TMEM182: variants seen among roughly 807,000 people sequenced by gnomAD.
TMEM182 encodes the protein transmembrane protein 182.
A neutral mutation model predicts 26.8 loss-of-function variants in TMEM182; 20 were observed. That is an observed-to-expected ratio of 0.75 (90% CI 0.53 to 1.09). TMEM182 has a LOEUF of 1.09. TMEM182 is among the 50% of genes least tolerant of loss of function. TMEM182 has a pLI of 0.00. For missense variants in TMEM182, 277 were observed against 275.5 expected (o/e 1.01, Z -0.04); for synonymous variants, 109 against 102.2 (o/e 1.07, Z -0.40).
chr2:102,840,844 A>G (rs1366297496), intron 3 of TMEM182, among the ~76,000 whole-genome samples: 1 of 152,164 alleles, frequency 6.6e-6, no homozygotes, highest in Non-Finnish European at 1.5e-5. Context: ...TTCAATTCAC[A>G]TTATATTTAA....
chr2:102,773,714 G>T (rs981961325), intron 3 of TMEM182, among the ~76,000 whole-genome samples: 2 of 152,086 alleles, frequency 1.3e-5, no homozygotes, highest in African/African-American at 4.8e-5. Context: ...CCAGCTTGTT[G>T]TATCATTAGC....
At chr2:102,776,308 C>T (rs1185806263) in intron 3 of TMEM182, among the ~76,000 whole-genome samples, 1 of 152,146 alleles carries the variant, frequency 6.6e-6, no homozygotes, top group Non-Finnish European at 1.5e-5. Context: ...TAAAAATCCT[C>T]GGTGTACTGT....
chr2:102,800,862 A>T (rs983328406), intron 4 of TMEM182, among the ~76,000 whole-genome samples: 280 of 148,942 alleles, frequency 1.9e-3, no homozygotes, highest in Non-Finnish European at 3.3e-3. Flanking sequence ...TTGAAAAAAA[A>T]TTGTTGGTCT....
chr2:102,758,289 C>T, upstream of TMEM182: 2 of 545,210 alleles, frequency 3.7e-6, no homozygotes, highest in Non-Finnish European at 3.3e-6. Context: ...TTGTGAAGAA[C>T]ACCACAGCTG....
intron 3 of TMEM182, among the ~76,000 whole-genome samples, chr2:102,826,145 A>T (rs997302426): frequency 6.6e-6 from 1 of 152,012 alleles, no homozygotes; most frequent in African/African-American, 2.4e-5. Flanking sequence ...GCCATGACTC[A>T]CAACATTTAT....
chr2:102,766,290 T>C (rs1680430935), intron 3 of TMEM182, among the ~76,000 whole-genome samples: 1 of 152,182 alleles, frequency 6.6e-6, no homozygotes, highest in Non-Finnish European at 1.5e-5. Flanking sequence ...TCAGAAAAAT[T>C]ATACTGCAGT....
chr2:102,749,775 A>G (rs1679821494), intron 1 of TMEM182, among the ~76,000 whole-genome samples: 2 of 152,158 alleles, frequency 1.3e-5, no homozygotes, highest in African/African-American at 4.8e-5. Flanking sequence ...GTATGACAAT[A>G]TAAAGTTTCA....
chr2:102,801,978 C>T (rs527964336), intron 4 of TMEM182, among the ~76,000 whole-genome samples: 10 of 152,252 alleles, frequency 6.6e-5, no homozygotes, highest in South Asian at 2.1e-4. Flanking sequence ...TACCCTGTTG[C>T]GTGGGATGGA....
At chr2:102,764,215 C>T in intron 2 of TMEM182, 114 bp from the exon 3 acceptor site, 1 of 1,001,006 alleles carries the variant, frequency 1.0e-6, no homozygotes, top group South Asian at 1.5e-5. Context: ...CTGATGGAAC[C>T]AGTAGTTTTG....
Position 102,843,433 on chromosome 2 carries a change from ACT to A in TMEM182, c.349_350del (p.Ser117LysfsTer13), listed in dbSNP as rs2104785571. 1 of 152,202 alleles carries A rather than the reference ACT, an allele frequency of 6.6e-6. No individual in the cohort carries two copies. The highest frequency in any genetic ancestry group is 1.5e-5 in the Non-Finnish European group (1 of 68,026). 9.4% of individuals were successfully genotyped at this position (152,202 alleles called of 1,614,324 possible). On this transcript the variant is annotated frameshift_variant, in exon 4 of 4. Transcript: ENST00000486293. LOFTEE classifies it low-confidence loss of function (END_TRUNC). ...CTAGATGGAATTTCTTCTCTCTGTT[ACT>A]CAAGCCTCTCAAAGTCCTTATTGTC...
chr2:102,791,591 A>T (rs569949383), intron 3 of TMEM182, among the ~76,000 whole-genome samples: 55 of 152,356 alleles, frequency 3.6e-4, no homozygotes, highest in African/African-American at 1.3e-3. Flanking sequence ...CTGAAAAATC[A>T]ACAGAACTTA....
intron 3 of TMEM182, among the ~76,000 whole-genome samples, chr2:102,837,895 T>C (rs1683275609): frequency 6.6e-6 from 1 of 152,216 alleles, no homozygotes; most frequent in Non-Finnish European, 1.5e-5. Flanking sequence ...TAGGGCTAGC[T>C]ACGTCATTCA....
chr2:102,816,119 A>G lies in TMEM182; in HGVS notation c.*1151A>G. 1.0e-6 allele frequency: 1 copy of G among 985,378 alleles called. No individual in the cohort carries two copies. The highest frequency in any genetic ancestry group is 1.2e-6 in the Non-Finnish European group (1 of 829,922). 61.0% of individuals were successfully genotyped at this position (985,378 alleles called of 1,614,324 possible). On this transcript the variant is annotated 3_prime_UTR_variant, in exon 5 of 5. Coordinates refer to ENST00000412401, the MANE Select transcript of TMEM182 (RefSeq NM_144632.5). Reference sequence around the variant, plus strand: ...TTCTGTATTATTCAGTAGCATAGACATTTTGCATATCAAAGATGTTCATTT... The same window carrying G: ...TTCTGTATTATTCAGTAGCATAGACGTTTTGCATATCAAAGATGTTCATTT...
Position 102,814,765 on chromosome 2 carries a change from G to A in TMEM182, c.487G>A (p.Val163Met). ...CTTCTCAGGCATCCTATTTTCATTG[G>A]TGGTGATGCTGTATGTCATCTGGGT... ...YIAAGILFSL[V>M]VMLYVIWVQA... Residue 163 changes from valine to methionine, a missense_variant, in exon 5 of 5, where the codon GTG becomes ATG. Transcript: ENST00000412401. The A allele has an allele frequency of 6.2e-7, 1 of 1,613,522 alleles. No individual in the cohort carries two copies. Among genetic ancestry groups the A allele is most frequent in the East Asian group, 2.2e-5 (1 of 44,872 alleles).
chr2:102,785,146 C>T lies in TMEM182; in HGVS notation c.332-12717C>T, dbSNP rs1408413690. ...AAGGACCAGTATGACGTGTTCCTTA[C>T]ATTCTCCCTCCAGCTACTTCCCTGA... is the stretch of plus-strand genomic sequence containing the variant. On this transcript the variant is annotated intron_variant, in intron 3 of 4. Coordinates refer to ENST00000412401, the MANE Select transcript of TMEM182 (RefSeq NM_144632.5). 2.6e-5 allele frequency among the ~76,000 whole-genome samples: 4 copies of T among 152,136 alleles called. 1 individual carries two copies. Among genetic ancestry groups the T allele is most frequent in the African/African-American group, 9.7e-5 (4 of 41,420 alleles).
chr2:102,814,804 G>T lies in TMEM182; in HGVS notation c.526G>T (p.Asp176Tyr), dbSNP rs1192373669. 1 of 1,613,834 alleles carries T rather than the reference G, an allele frequency of 6.2e-7. No homozygotes were observed. The highest frequency in any genetic ancestry group is 8.5e-7 in the Non-Finnish European group (1 of 1,179,936). Residue 176 changes from aspartate (D) to tyrosine (Y), a missense_variant, in exon 5 of 5, where the codon GAC becomes TAC. Physicochemically the swap from Asp to Tyr is radical, Grantham distance 160 (BLOSUM62 -3). Transcript: ENST00000412401. The stretch of plus-strand genomic sequence containing the variant: ...TGTCATCTGGGTCCAGGCAGTGGCT[G>T]ACATGGAAAGCTACCGAAACATGAA... ...LYVIWVQAVA[D>Y]MESYRNMKMK...
intron 3 of TMEM182, among the ~76,000 whole-genome samples, chr2:102,835,268 A>G (rs1683223022): frequency 6.6e-6 from 1 of 152,222 alleles, no homozygotes; most frequent in Non-Finnish European, 1.5e-5. Flanking sequence ...AAGGGTTTTT[A>G]GATAATAATA....
At chr2:102,837,658 G>T (rs1047757826) in intron 3 of TMEM182, among the ~76,000 whole-genome samples, 1 of 152,168 alleles carries the variant, frequency 6.6e-6, no homozygotes, top group African/African-American at 2.4e-5. Flanking sequence ...AGAGCAAGAG[G>T]AGCTGCTGCA....
chr2:102,765,139 A>G (rs1296411503), intron 3 of TMEM182, among the ~76,000 whole-genome samples: 1 of 152,212 alleles, frequency 6.6e-6, no homozygotes, highest in Non-Finnish European at 1.5e-5. Context: ...ACATAAATAT[A>G]TATTATATAC....
Sources: gnomAD v4.1 joint callset for allele counts (sites outside exome capture counted in the v4.1 genomes callset) on GRCh38, gnomAD v4.1.1 for gene constraint, MANE v1.5 for transcripts, NCBI Gene and HGNC (gene_info 2026-07-23, HGNC 2026-07-21) for gene names.